Variants in SEMA5A observed in about 807,000 individuals in gnomAD.
SEMA5A encodes the protein semaphorin-5A.
A neutral mutation model predicts 135.5 loss-of-function variants in SEMA5A; 55 were observed. That is an observed-to-expected ratio of 0.41 (90% CI 0.33 to 0.51). SEMA5A has a LOEUF of 0.51. Ranked by LOEUF, SEMA5A falls within the 20% of genes least tolerant of loss-of-function variation. The pLI is 0.37. For synonymous variants in SEMA5A, 580 were observed against 546.5 expected (o/e 1.06, Z -0.85); for missense variants, 1,290 against 1,419.9 (o/e 0.91, Z 1.47).
At chr5:9,443,418 C>A (rs749940947) in intron 1 of SEMA5A, among the ~76,000 whole-genome samples, 1 of 152,138 alleles carries the variant, frequency 6.6e-6, no homozygotes, top group Non-Finnish European at 1.5e-5. Context: ...ACAGGGATAA[C>A]AGGATGTCCT....
At chr5:9,310,267 T>C (rs1422513835) in intron 5 of SEMA5A, among the ~76,000 whole-genome samples, 8 of 152,106 alleles carry the variant, frequency 5.3e-5, no homozygotes, top group African/African-American at 1.9e-4. Flanking sequence ...GAACAATATG[T>C]CTGGATTCCA....
At chr5:9,065,385 C>G (rs1459446643) in intron 17 of SEMA5A, among the ~76,000 whole-genome samples, 1 of 152,208 alleles carries the variant, frequency 6.6e-6, no homozygotes, top group Non-Finnish European at 1.5e-5. Flanking sequence ...CCAAGGAGAT[C>G]TACCAAACCT....
At chr5:9,256,380 C>A (rs184742971) in intron 5 of SEMA5A, among the ~76,000 whole-genome samples, 1 of 152,192 alleles carries the variant, frequency 6.6e-6, no homozygotes, top group East Asian at 1.9e-4. Flanking sequence ...GTTCCTTTAG[C>A]CTTATCCACT....
intron 1 of SEMA5A, among the ~76,000 whole-genome samples, chr5:9,478,322 T>A (rs2126771748): frequency 6.6e-6 from 1 of 152,218 alleles, no homozygotes; most frequent in Non-Finnish European, 1.5e-5. Flanking sequence ...CCATACAGAA[T>A]CCCCGCTGGG....
At chr5:9,226,427 A>ATT (rs5865816) in intron 7 of SEMA5A, among the ~76,000 whole-genome samples, 7 of 151,160 alleles carry the variant, frequency 4.6e-5, no homozygotes, top group South Asian at 4.2e-4. Flanking sequence ...TAGTTTGCTT[A>ATT]TTTTTTTTTA....
chr5:9,224,948 A>G, intron 7 of SEMA5A, 61 bp from the exon 8 acceptor site: 1 of 1,459,924 alleles, frequency 6.8e-7, no homozygotes, highest in East Asian at 2.3e-5. Flanking sequence ...AGTGATGCTT[A>G]TGGTCACACC....
chr5:9,060,681 C>T (rs1305546310), intron 18 of SEMA5A, among the ~76,000 whole-genome samples: 2 of 152,056 alleles, frequency 1.3e-5, no homozygotes, highest in Non-Finnish European at 2.9e-5. Context: ...CAAGCAGAGA[C>T]ACCCTAGGAG....
chr5:9,376,271 C>A (rs778783826), intron 3 of SEMA5A, among the ~76,000 whole-genome samples: 1 of 152,172 alleles, frequency 6.6e-6, no homozygotes, highest in Non-Finnish European at 1.5e-5. Flanking sequence ...TCCTCCATAT[C>A]GTAAAATAAG....
chr5:9,242,329 C>T lies in SEMA5A; in HGVS notation c.271-4439G>A, dbSNP rs182042279. 1.1e-3 allele frequency among the ~76,000 whole-genome samples: 163 copies of T among 152,230 alleles called. 1 individual carries two copies. Among genetic ancestry groups the T allele is most frequent in the Admixed American group, 3.6e-3 (55 of 15,290 alleles). On this transcript the variant is annotated intron_variant, in intron 5 of 22. Coordinates refer to ENST00000382496, the MANE Select transcript of SEMA5A (RefSeq NM_003966.3). ...ACAAGTGTCACTTGAGCTAGAATGG[C>T]GTGCATTGAACGAAAAAAGGCAGTA...
chr5:9,276,688 C>T (rs1201388000), intron 5 of SEMA5A, among the ~76,000 whole-genome samples: 2 of 152,098 alleles, frequency 1.3e-5, no homozygotes, highest in Admixed American at 6.6e-5. Context: ...CTTTGACAAA[C>T]CTGCCAACAA....
intron 15 of SEMA5A, among the ~76,000 whole-genome samples, chr5:9,109,746 C>T (rs926481157): frequency 1.3e-5 from 2 of 152,030 alleles, no homozygotes; most frequent in Non-Finnish European, 1.5e-5. Context: ...TATTCACAGT[C>T]GAAAATAAAC....
chr5:9,100,802 G>A (rs1739588173), intron 16 of SEMA5A, among the ~76,000 whole-genome samples: 1 of 152,060 alleles, frequency 6.6e-6, no homozygotes, highest in African/African-American at 2.4e-5. Context: ...AGAACACACT[G>A]AGTTTTTATG....
intron 11 of SEMA5A, among the ~76,000 whole-genome samples, chr5:9,187,217 A>T (rs1050238922): frequency 2.0e-5 from 3 of 152,068 alleles, no homozygotes; most frequent in Non-Finnish European, 2.9e-5. Flanking sequence ...GTTAAAAAAA[A>T]ATATCCCTTA....
At chr5:9,074,144 A>G (rs577906674) in intron 16 of SEMA5A, among the ~76,000 whole-genome samples, 1 of 152,328 alleles carries the variant, frequency 6.6e-6, no homozygotes, top group Non-Finnish European at 1.5e-5. Flanking sequence ...GCATCAAGAT[A>G]GAAAGACTGA....
rs147502998 is a variant in SEMA5A at position 9,182,896 on chromosome 5, C to A, written c.1273+7371G>T. ...TGCATCATATCATGTAACTTCTTTT[C>A]TTTACAGAACTTTCAGTAATTATTA... On this transcript the variant is annotated intron_variant, in intron 11 of 22. Coordinates refer to ENST00000382496, the MANE Select transcript of SEMA5A (RefSeq NM_003966.3). 2.4e-4 allele frequency among the ~76,000 whole-genome samples: 37 copies of A among 152,106 alleles called. No homozygotes were observed. The East Asian group carries it at 6.9e-3, about 29-fold the overall frequency.
At chr5:9,070,189 G>A (rs1221891836) in intron 16 of SEMA5A, among the ~76,000 whole-genome samples, 3 of 152,142 alleles carry the variant, frequency 2.0e-5, no homozygotes, top group Non-Finnish European at 2.9e-5. Context: ...TGGCCAACAT[G>A]GTGAAACCCT....
intron 5 of SEMA5A, among the ~76,000 whole-genome samples, chr5:9,290,065 T>C (rs955332517): frequency 1.3e-5 from 2 of 152,200 alleles, no homozygotes; most frequent in Non-Finnish European, 2.9e-5. Context: ...ATTTTTTTAT[T>C]TCAATAGGTT....
intron 2 of SEMA5A, among the ~76,000 whole-genome samples, chr5:9,436,432 A>T (rs894240793): frequency 2.0e-5 from 3 of 152,142 alleles, no homozygotes; most frequent in African/African-American, 7.2e-5. Flanking sequence ...TGCAAAACGT[A>T]AGGACGACAC....
At chr5:9,076,582 T>C (rs918058966) in intron 16 of SEMA5A, among the ~76,000 whole-genome samples, 1 of 152,206 alleles carries the variant, frequency 6.6e-6, no homozygotes, top group East Asian at 1.9e-4. Flanking sequence ...ACACATTATA[T>C]ACATGTAACA....
Sources: allele counts gnomAD v4.1 joint callset (sites outside exome capture counted in the v4.1 genomes callset), GRCh38; gene constraint gnomAD v4.1.1; transcripts MANE v1.5; gene names NCBI Gene and HGNC (gene_info 2026-07-23, HGNC 2026-07-21).